Variants in DOCK2 observed in about 807,000 individuals in gnomAD.
The protein encoded by DOCK2 is dedicator of cytokinesis 2, also known as dedicator of cytokinesis protein 2.
Under a neutral mutation model 248.9 loss-of-function variants are expected in DOCK2, and 87 were observed. That is an observed-to-expected ratio of 0.35 (90% CI 0.29 to 0.42). DOCK2 has a LOEUF of 0.42. DOCK2 is among the 10% of genes least tolerant of loss of function. The pLI, the probability that DOCK2 is intolerant of heterozygous loss-of-function variation, is 1.00. For missense variants in DOCK2, 1,747 were observed against 2,300.2 expected (o/e 0.76, Z 4.92); for synonymous variants, 805 against 821.6 (o/e 0.98, Z 0.35).
chr5:169,979,479 G>A (rs1228955102), intron 27 of DOCK2, among the ~76,000 whole-genome samples: 1 of 152,120 alleles, frequency 6.6e-6, no homozygotes, highest in African/African-American at 2.4e-5. Context: ...CAAAAGAGGT[G>A]GTTTTTAAAA....
intron 27 of DOCK2, chr5:169,875,430 T>G (rs183717176): frequency 3.9e-4 from 154 of 392,718 alleles, no homozygotes; most frequent in African/African-American, 3.1e-3. Context: ...TGGAACTCAG[T>G]GACAATCGAA....
At chr5:169,887,630 G>A (rs1315951635) in intron 27 of DOCK2, among the ~76,000 whole-genome samples, 1 of 152,158 alleles carries the variant, frequency 6.6e-6, no homozygotes, top group Admixed American at 6.5e-5. Context: ...TAGTATTTTT[G>A]TGGATATTTA....
chr5:170,075,351 C>T (rs935937309), intron 46 of DOCK2: 6 of 152,516 alleles, frequency 3.9e-5, no homozygotes, highest in African/African-American at 9.7e-5. Context: ...CTCTTCTTCC[C>T]TCATCTTCCT....
chr5:169,803,307 G>C, intron 26 of DOCK2, 101 bp downstream of exon 26: 1 of 1,470,752 alleles, frequency 6.8e-7, no homozygotes, highest in Non-Finnish European at 9.1e-7. Flanking sequence ...GGAGTCTAAA[G>C]ATAAAAGTCA....
At chr5:169,887,991 A>C (rs1773069802) in intron 27 of DOCK2, among the ~76,000 whole-genome samples, 2 of 152,190 alleles carry the variant, frequency 1.3e-5, no homozygotes, top group Non-Finnish European at 2.9e-5. Flanking sequence ...ATGAGTGGAC[A>C]TTTTTTCACA....
At chr5:169,951,497 T>G (rs1266100818) in intron 27 of DOCK2, among the ~76,000 whole-genome samples, 3 of 152,226 alleles carry the variant, frequency 2.0e-5, no homozygotes, top group Admixed American at 2.0e-4. Context: ...GAGCCTGCTG[T>G]GTGCTGCCTG....
At chr5:169,642,729 T>G (rs1757217511) in intron 1 of DOCK2, among the ~76,000 whole-genome samples, 2 of 152,226 alleles carry the variant, frequency 1.3e-5, no homozygotes, top group African/African-American at 4.8e-5. Flanking sequence ...TGAGTTCATG[T>G]AAGGAGATTG....
intron 27 of DOCK2, among the ~76,000 whole-genome samples, chr5:169,859,992 A>G (rs1322020891): frequency 8.2e-6 from 1 of 121,396 alleles, no homozygotes; most frequent in African/African-American, 3.2e-5. Flanking sequence ...TTTTTTTGAG[A>G]CAGACTATTG....
At chr5:169,982,567 T>C (rs370242025) in intron 27 of DOCK2, among the ~76,000 whole-genome samples, 84 of 152,320 alleles carry the variant, frequency 5.5e-4, no homozygotes, top group African/African-American at 1.8e-3. Context: ...TCTTCTCATT[T>C]CTTTCATCCC....
chr5:169,972,345 A>G (rs993525039), intron 27 of DOCK2, among the ~76,000 whole-genome samples: 2 of 152,156 alleles, frequency 1.3e-5, no homozygotes, highest in African/African-American at 4.8e-5. Flanking sequence ...TCTCAACATC[A>G]GTGCTAGTGA....
intron 2 of DOCK2, among the ~76,000 whole-genome samples, chr5:169,655,117 G>A (rs1203357228): frequency 1.3e-5 from 2 of 152,226 alleles, no homozygotes; most frequent in South Asian, 2.1e-4. Flanking sequence ...TCAGGCAGTT[G>A]GAAATCAACA....
intron 32 of DOCK2, among the ~76,000 whole-genome samples, chr5:170,015,721 C>T (rs1417802647): frequency 6.6e-6 from 1 of 152,136 alleles, no homozygotes; most frequent in Non-Finnish European, 1.5e-5. Flanking sequence ...CTTTCTGTTA[C>T]ATGTCAGCCT....
At chr5:169,977,436 A>G (rs1667224178) in intron 27 of DOCK2, among the ~76,000 whole-genome samples, 1 of 152,220 alleles carries the variant, frequency 6.6e-6, no homozygotes, top group Admixed American at 6.5e-5. Context: ...AATAGCTGCT[A>G]TTATCGAGGG....
chr5:170,062,145 G>C (rs1181096321), intron 44 of DOCK2, among the ~76,000 whole-genome samples: 1 of 151,874 alleles, frequency 6.6e-6, no homozygotes, highest in Non-Finnish European at 1.5e-5. Context: ...GAGAGAGAGA[G>C]AGACAGAGAG....
intron 23 of DOCK2, among the ~76,000 whole-genome samples, chr5:169,755,581 A>G (rs751968372): frequency 4.1e-4 from 63 of 152,098 alleles, no homozygotes; most frequent in Admixed American, 6.5e-4. Flanking sequence ...TGTCTCTACT[A>G]TAAATATAAA....
intron 25 of DOCK2, among the ~76,000 whole-genome samples, chr5:169,788,318 A>G (rs1325928260): frequency 1.3e-5 from 2 of 151,716 alleles, no homozygotes; most frequent in African/African-American, 4.9e-5. Flanking sequence ...TGGAGGGACA[A>G]GCACACGCTC....
At chr5:169,669,193 T>G (rs998255855) in intron 2 of DOCK2, 95 bp from the exon 3 acceptor site, 44 of 1,487,178 alleles carry the variant, frequency 3.0e-5, no homozygotes, top group Non-Finnish European at 4.0e-5. Context: ...TTGCAGTAGT[T>G]TTACTAGTTT....
At chr5:169,927,626 T>C (rs1459428460) in intron 27 of DOCK2, among the ~76,000 whole-genome samples, 2 of 152,260 alleles carry the variant, frequency 1.3e-5, no homozygotes, top group Non-Finnish European at 2.9e-5. Context: ...GGAAAAATTC[T>C]TGTTTTTTGA....
chr5:170,064,930 C>CT (rs1161724097), intron 44 of DOCK2, among the ~76,000 whole-genome samples: 1 of 151,648 alleles, frequency 6.6e-6, no homozygotes. Context: ...AAATATAAAA[C>CT]TTAGTGTTAA....
Sources: gnomAD v4.1 joint callset for allele counts (sites outside exome capture counted in the v4.1 genomes callset) on GRCh38, gnomAD v4.1.1 for gene constraint, MANE v1.5 for transcripts, NCBI Gene and HGNC (gene_info 2026-07-23, HGNC 2026-07-21) for gene names.